Variants in ANO1 observed in about 807,000 individuals in gnomAD.
ANO1 encodes the protein anoctamin-1.
In ANO1, 59 loss-of-function variants were observed where a neutral mutation model predicts 124.0. That is an observed-to-expected ratio of 0.48 (90% CI 0.39 to 0.59). The LOEUF is 0.59. ANO1 is among the 20% of genes least tolerant of loss of function. The pLI is 0.00. For missense variants in ANO1, 1,059 were observed against 1,328.0 expected (o/e 0.80, Z 3.15); for synonymous variants, 529 against 532.0 (o/e 0.99, Z 0.08).
chr11:70,155,606 C>G (rs2047777701), intron 14 of ANO1, among the ~76,000 whole-genome samples: 1 of 152,236 alleles, frequency 6.6e-6, no homozygotes, highest in Admixed American at 6.5e-5. Context: ...TGGCCACTAC[C>G]TCCCGCTGGA....
intron 1 of ANO1, among the ~76,000 whole-genome samples, chr11:70,027,362 C>G (rs1856925367): frequency 6.6e-6 from 1 of 152,174 alleles, no homozygotes; most frequent in South Asian, 2.1e-4. Flanking sequence ...AAAATGCTGA[C>G]TAGCTCATGT....
At chr11:70,010,163 GTGCGCGTGTGTGTGTGTA>G (rs1856568103) in intron 1 of ANO1, among the ~76,000 whole-genome samples, 2 of 48,194 alleles carry the variant, frequency 4.1e-5, no homozygotes, top group Admixed American at 2.3e-4. Context: ...GTGTGTGTGT[GTGCGCGTGTGTGTGTGTA>G]TATATATATA....
At chr11:70,100,482 G>A (rs1167300358) in intron 2 of ANO1, among the ~76,000 whole-genome samples, 1 of 152,178 alleles carries the variant, frequency 6.6e-6, no homozygotes, top group Non-Finnish European at 1.5e-5. Context: ...GCCAGGGGAC[G>A]CCTGGAGCCC....
intron 1 of ANO1, among the ~76,000 whole-genome samples, chr11:70,006,600 C>CTTCTTTCTTTCTCTTTCTTTCT (rs1856490259): frequency 6.8e-6 from 1 of 148,018 alleles, no homozygotes; most frequent in African/African-American, 2.5e-5. Context: ...TCTTTCTTTC[C>CTTCTTTCTTTCTCTTTCTTTCT]TTCTTTCTTT....
At chr11:70,140,120 TAA>T (rs748666584) in intron 11 of ANO1, among the ~76,000 whole-genome samples, 3 of 152,236 alleles carry the variant, frequency 2.0e-5, no homozygotes, top group East Asian at 1.9e-4. Context: ...TTGAAGACGC[TAA>T]AGTGTTCCCA....
At chr11:70,163,571 A>G in intron 19 of ANO1, 1 of 613,430 alleles carries the variant, frequency 1.6e-6, no homozygotes, top group Non-Finnish European at 2.9e-6. Context: ...TGTAGAGTTA[A>G]TGAAAGAAAA....
In ANO1 at chr11:70,187,805, A is replaced by T. The variant is rs770613799; in HGVS notation, c.2762A>T (p.Gln921Leu). The change falls in exon 26 of 26, where the codon CAG becomes CTG. Residue 921 changes from glutamine (Q) to leucine (L), a missense_variant. By Grantham distance (113) the Gln-to-Leu change is moderately radical (BLOSUM62 -2). This residue lies in a region of ANO1 where 809 missense variants were observed against 1,094.9 expected (regional missense o/e 0.74). Transcript: ENST00000355303. ...CCGGACATCCCCAAGGACATCAGCC[A>T]GCAGATCCACAAGGAGAAGGTGCTC... ...VIPDIPKDISQQIHKEKVLMV... is the reference protein window; with the variant it reads ...VIPDIPKDISLQIHKEKVLMV... 7 of 1,609,794 alleles carry T rather than the reference A, an allele frequency of 4.3e-6. No individual in the cohort carries two copies. In the South Asian group the frequency reaches 7.8e-5, roughly 18 times the overall value.
intron 1 of ANO1, among the ~76,000 whole-genome samples, chr11:70,022,872 C>T (rs1384418916): frequency 1.3e-5 from 2 of 152,134 alleles, no homozygotes; most frequent in Non-Finnish European, 2.9e-5. Flanking sequence ...ATCTGGTGGG[C>T]CCAACATCAT....
At chr11:70,043,073 G>T (rs1433801525) in intron 1 of ANO1, among the ~76,000 whole-genome samples, 1 of 152,054 alleles carries the variant, frequency 6.6e-6, no homozygotes, top group African/African-American at 2.4e-5. Context: ...TGGAAGAAAA[G>T]AATATTAAAA....
chr11:70,010,363 T>A (rs553338981), intron 1 of ANO1, among the ~76,000 whole-genome samples: 1 of 151,702 alleles, frequency 6.6e-6, no homozygotes, highest in South Asian at 2.1e-4. Context: ...TACCCAGTAC[T>A]GGCTCTTTTT....
chr11:69,981,069 AAAAT>A (rs1554996178), upstream of ANO1, among the ~76,000 whole-genome samples: 1 of 152,214 alleles, frequency 6.6e-6, no homozygotes, highest in Admixed American at 6.5e-5. Context: ...TAAAAAATCA[AAAAT>A]AAATAAAGAG....
At chr11:69,991,695 T>C (rs1248320277) in intron 1 of ANO1, among the ~76,000 whole-genome samples, 1 of 152,214 alleles carries the variant, frequency 6.6e-6, no homozygotes, top group Non-Finnish European at 1.5e-5. Flanking sequence ...GCATCTCCTT[T>C]AGGACAGTTA....
intron 22 of ANO1, among the ~76,000 whole-genome samples, chr11:70,175,211 C>T (rs956703113): frequency 3.9e-5 from 6 of 152,258 alleles, no homozygotes; most frequent in Non-Finnish European, 8.8e-5. Context: ...AGGCCTTCCG[C>T]GTGCCTCTTT....
At chr11:70,019,403 A>G (rs141878400) in intron 1 of ANO1, among the ~76,000 whole-genome samples, 1 of 152,302 alleles carries the variant, frequency 6.6e-6, no homozygotes, top group African/African-American at 2.4e-5. Context: ...AGGGAAAGAA[A>G]GCAAGGAAAC....
intron 1 of ANO1, among the ~76,000 whole-genome samples, chr11:70,018,686 A>G (rs1856744386): frequency 6.6e-6 from 1 of 152,216 alleles, no homozygotes; most frequent in African/African-American, 2.4e-5. Context: ...GGACCAGGGC[A>G]TGACTGTTGC....
intron 1 of ANO1, among the ~76,000 whole-genome samples, chr11:70,062,329 G>A (rs562745949): frequency 3.9e-5 from 6 of 152,114 alleles, no homozygotes; most frequent in East Asian, 3.9e-4. Context: ...CATCCGCTTC[G>A]GCCTCCCGCA....
chr11:70,005,815 T>A (rs1554999952), intron 1 of ANO1, among the ~76,000 whole-genome samples: 1 of 152,230 alleles, frequency 6.6e-6, no homozygotes, highest in Non-Finnish European at 1.5e-5. Context: ...GACTCCTTGT[T>A]AAGAGCAGAC....
intron 14 of ANO1, among the ~76,000 whole-genome samples, chr11:70,155,615 G>C (rs1195874498): frequency 6.6e-6 from 1 of 152,220 alleles, no homozygotes; most frequent in Non-Finnish European, 1.5e-5. Flanking sequence ...CCTCCCGCTG[G>C]AATCCAGCCA....
At chr11:70,061,411 T>C (rs1332672394) in intron 1 of ANO1, among the ~76,000 whole-genome samples, 1 of 152,058 alleles carries the variant, frequency 6.6e-6, no homozygotes, top group Non-Finnish European at 1.5e-5. Flanking sequence ...TTGGGATTGG[T>C]GGGTGCCAGA....
Sources: allele counts gnomAD v4.1 joint callset (sites outside exome capture counted in the v4.1 genomes callset), GRCh38; gene constraint gnomAD v4.1.1; regional missense constraint gnomAD v4.1.1; transcripts MANE v1.5; gene names NCBI Gene and HGNC (gene_info 2026-07-23, HGNC 2026-07-21).